Variants in SGF29 observed in about 807,000 individuals in gnomAD.
SGF29 encodes SAGA-associated factor 29.
In SGF29, 15 loss-of-function variants were observed where a neutral mutation model predicts 38.1. That is an observed-to-expected ratio of 0.39 (90% CI 0.26 to 0.61). The LOEUF (loss-of-function observed/expected upper bound fraction) is 0.61. Among genes scored for constraint, SGF29 ranks in the 20% least tolerant of loss-of-function variants. SGF29 has a pLI of 0.49. For missense variants in SGF29, 184 were observed against 394.6 expected (o/e 0.47, Z 4.52); for synonymous variants, 151 against 160.8 (o/e 0.94, Z 0.46).
At chr16:28,563,715 C>CTTTTT (rs11445174) in intron 1 of SGF29, among the ~76,000 whole-genome samples, 15 of 80,828 alleles carry the variant, frequency 1.9e-4, no homozygotes, top group Non-Finnish European at 2.6e-4. Flanking sequence ...GAGAAACAGA[C>CTTTTT]TTTTTTTTTT....
At chr16:28,558,826 A>G (rs1443606333) in intron 1 of SGF29, among the ~76,000 whole-genome samples, 1 of 152,228 alleles carries the variant, frequency 6.6e-6, no homozygotes, top group Admixed American at 6.6e-5. Context: ...TTCTATTTAT[A>G]TGAAATGTCT....
At chr16:28,591,502 A>AG (rs2046990690) in intron 9 of SGF29, 88 bp from the exon 10 acceptor site, 3 of 906,356 alleles carry the variant, frequency 3.3e-6, no homozygotes, top group Admixed American at 3.4e-5. Context: ...CACGGCCCAG[A>AG]GCCTCCTGTG....
chr16:28,571,277 G>A (rs1258238587), intron 1 of SGF29, among the ~76,000 whole-genome samples: 1 of 151,976 alleles, frequency 6.6e-6, no homozygotes, highest in East Asian at 1.9e-4. Flanking sequence ...GTACTTTCCG[G>A]CCTTCAGAAC....
intron 1 of SGF29, among the ~76,000 whole-genome samples, chr16:28,577,396 CT>C (rs2046900602): frequency 6.6e-6 from 1 of 151,902 alleles, no homozygotes; most frequent in Non-Finnish European, 1.5e-5. Context: ...AGTCGCTGTC[CT>C]TTCTCTCCCA....
At chr16:28,564,574 TATACAC>T (rs2046813485) in intron 1 of SGF29, among the ~76,000 whole-genome samples, 1 of 133,028 alleles carries the variant, frequency 7.5e-6, no homozygotes, top group Non-Finnish European at 1.6e-5. Context: ...TACGTATATA[TATACAC>T]GTATATATAT....
intron 3 of SGF29, 57 bp downstream of exon 3, chr16:28,585,045 C>A: frequency 2.2e-6 from 3 of 1,340,072 alleles, no homozygotes; most frequent in Non-Finnish European, 3.2e-6. Context: ...GTGAGTATGG[C>A]CAAGACTGTG....
intron 1 of SGF29, among the ~76,000 whole-genome samples, chr16:28,575,235 GTTC>G (rs1214752495): frequency 6.6e-6 from 1 of 152,192 alleles, no homozygotes; most frequent in Non-Finnish European, 1.5e-5. Flanking sequence ...AAGGGGATAT[GTTC>G]TTCTCTATAT....
chr16:28,565,193 C>G lies in SGF29; in HGVS notation c.-16+11096C>G, dbSNP rs542897850. Reference sequence around the variant, plus strand: ...TGCTGGCAGCCAACTGGACGGTGCCCACCCATATGGAGGATGGGTCTTCCT... The same window carrying G: ...TGCTGGCAGCCAACTGGACGGTGCCGACCCATATGGAGGATGGGTCTTCCT... On this transcript the variant is annotated intron_variant, in intron 1 of 9. Transcript: ENST00000317058. Among the ~76,000 whole-genome samples, 3 of 152,272 alleles carry G rather than the reference C, an allele frequency of 2.0e-5. No homozygotes were observed. The South Asian group carries it at 6.2e-4, about 32-fold the overall frequency.
chr16:28,554,706 T>TA (rs750056513), intron 1 of SGF29, among the ~76,000 whole-genome samples: 10 of 152,136 alleles, frequency 6.6e-5, no homozygotes, highest in African/African-American at 9.6e-5. Context: ...CCAAAGGCCT[T>TA]AGTCTACCCT....
intron 1 of SGF29, among the ~76,000 whole-genome samples, chr16:28,560,042 C>T (rs2046776672): frequency 6.6e-6 from 1 of 151,470 alleles, no homozygotes; most frequent in African/African-American, 2.4e-5. Flanking sequence ...GAGTTTGAGA[C>T]CAGCCTGGCC....
intron 1 of SGF29, among the ~76,000 whole-genome samples, chr16:28,577,189 T>G (rs1290480479): frequency 2.0e-5 from 3 of 151,704 alleles, no homozygotes; most frequent in Non-Finnish European, 4.4e-5. Flanking sequence ...AAAAAAAAAG[T>G]GCAGACTACA....
At chr16:28,575,527 T>C (rs2046887570) in intron 1 of SGF29, among the ~76,000 whole-genome samples, 1 of 151,346 alleles carries the variant, frequency 6.6e-6, no homozygotes, top group Non-Finnish European at 1.5e-5. Context: ...CTAAAAGAAA[T>C]ACAAAAATTA....
chr16:28,585,391 T>G (rs995267444), intron 3 of SGF29: 1 of 567,296 alleles, frequency 1.8e-6, no homozygotes, highest in Non-Finnish European at 3.2e-6. Context: ...CTGACAAATA[T>G]TTTCTGTGAG....
chr16:28,590,945 C>T lies in SGF29; in HGVS notation c.765+10C>T, dbSNP rs1461413278. 1 of 1,600,852 alleles carries T rather than the reference C, an allele frequency of 6.2e-7. No homozygotes were observed. The highest frequency in any genetic ancestry group is 8.5e-7 in the Non-Finnish European group (1 of 1,172,888). ...TGCGCCCCCACAGCGGGTAAAGCAG[C>T]CTCCAGGGGAGAGGCCATGGGTGAT... On this transcript the variant is annotated intron_variant, in intron 9 of 9. Coordinates refer to ENST00000317058, the MANE Select transcript of SGF29 (RefSeq NM_138414.3). The surrounding 1 kb of genome is among the most constrained non-coding windows in gnomAD (Gnocchi z 8.2).
intron 4 of SGF29, among the ~76,000 whole-genome samples, chr16:28,588,195 T>A (rs1469806968): frequency 2.0e-5 from 3 of 152,138 alleles, no homozygotes; most frequent in Admixed American, 6.5e-5. Context: ...CTGGGTTCTT[T>A]GGGTTCCTGC....
rs368752399 is a variant in SGF29 at position 28,564,686 on chromosome 16, T to C, written c.-16+10589T>C. 8.2e-4 allele frequency among the ~76,000 whole-genome samples: 46 copies of C among 55,786 alleles called. 3 individuals carry two copies. The highest frequency in any genetic ancestry group is 1.8e-3 in the South Asian group (5 of 2,810). 36.6% of individuals were successfully genotyped at this position (55,786 alleles called of 152,430 possible). Reference sequence around the variant, plus strand: ...ATATGCATATATATGTATATATATGTGTATATATATGTATATATATACATA... The same window carrying C: ...ATATGCATATATATGTATATATATGCGTATATATATGTATATATATACATA... On this transcript the variant is annotated intron_variant, in intron 1 of 9. Coordinates refer to ENST00000317058, the MANE Select transcript of SGF29 (RefSeq NM_138414.3).
At chr16:28,585,324 C>CCTGGGG (rs1284369615) in intron 3 of SGF29, 1 of 530,546 alleles carries the variant, frequency 1.9e-6, no homozygotes, top group African/African-American at 1.9e-5. Context: ...GTGGTGAGAT[C>CCTGGGG]CTGGGGCTGG....
intron 1 of SGF29, among the ~76,000 whole-genome samples, chr16:28,564,689 A>ATATATG (rs2046819704): frequency 2.5e-5 from 2 of 80,794 alleles, no homozygotes; most frequent in African/African-American, 5.4e-5. Context: ...ATATATGTGT[A>ATATATG]TATATATGTA....
intron 1 of SGF29, among the ~76,000 whole-genome samples, chr16:28,561,955 G>A (rs981452905): frequency 1.3e-5 from 2 of 152,170 alleles, no homozygotes; most frequent in African/African-American, 4.8e-5. Context: ...GGGAAGTTTA[G>A]ACTTATGACT....
Sources: allele counts gnomAD v4.1 joint callset (sites outside exome capture counted in the v4.1 genomes callset), GRCh38; gene constraint gnomAD v4.1.1; non-coding constraint Gnocchi (gnomAD v3.1); transcripts MANE v1.5; gene names NCBI Gene and HGNC (gene_info 2026-07-23, HGNC 2026-07-21).